The following AATF variants were observed in gnomAD, a reference collection of about 807,000 sequenced individuals.
The protein encoded by AATF is apoptosis antagonizing transcription factor, also known as protein AATF.
Under a neutral mutation model 63.7 loss-of-function variants are expected in AATF, and 48 were observed. That is an observed-to-expected ratio of 0.75 (90% CI 0.60 to 0.96). The LOEUF (loss-of-function observed/expected upper bound fraction) is 0.96, where lower values mean the gene tolerates loss of function less well. Among genes scored for constraint, AATF ranks in the 40% least tolerant of loss-of-function variants. AATF has a pLI of 0.00. For missense variants in AATF, 639 were observed against 685.7 expected, an observed-to-expected ratio of 0.93 and a Z score of 0.76; for synonymous variants, 258 against 247.7, an observed-to-expected ratio of 1.04 and a Z score of -0.39.
intron 11 of AATF, among the ~76,000 whole-genome samples, chr17:37,036,983 C>T (rs567543113): frequency 6.6e-6 from 1 of 151,710 alleles, no homozygotes; most frequent in East Asian, 1.9e-4. Flanking sequence ...CGGGGTAGCT[C>T]AGCTCCCAGG....
chr17:36,972,396 A>C (rs188083352), intron 4 of AATF, among the ~76,000 whole-genome samples: 31 of 152,326 alleles, frequency 2.0e-4, no homozygotes, highest in Non-Finnish European at 4.0e-4. Flanking sequence ...GATTTACTGC[A>C]AAATTGCTTA....
At chr17:37,045,626 G>C (rs948067284) in intron 11 of AATF, 4 of 152,246 alleles carry the variant, frequency 2.6e-5, no homozygotes, top group Non-Finnish European at 5.9e-5. Context: ...ACACACACTT[G>C]GCAGCACTCT....
rs145712828 is a variant in AATF at position 36,977,029 on chromosome 17, C to G, written c.833-9588C>G. On this transcript the variant is annotated intron_variant, in intron 4 of 11. Coordinates refer to ENST00000619387, the MANE Select transcript of AATF (RefSeq NM_012138.4). ...TTAAAATAAAGAAAATGTTGTTTGA[C>G]TACTTGCTTAACAAAAGGTCAGTTT... Among the ~76,000 whole-genome samples, 1,083 of 152,236 alleles carry G rather than the reference C, an allele frequency of 7.1e-3. 3 individuals carry two copies. Among genetic ancestry groups the G allele is most frequent in the Non-Finnish European group, 0.012 (809 of 67,996 alleles).
chr17:37,045,287 A>C (rs1242531592), intron 11 of AATF, among the ~76,000 whole-genome samples: 1 of 152,218 alleles, frequency 6.6e-6, no homozygotes, highest in Non-Finnish European at 1.5e-5. Flanking sequence ...ACCTCCACTT[A>C]CGTGGTAAAT....
At chr17:36,996,928 G>A (rs1001690539) in intron 8 of AATF, among the ~76,000 whole-genome samples, 39 of 152,164 alleles carry the variant, frequency 2.6e-4, no homozygotes, top group African/African-American at 8.9e-4. Context: ...ACCTCAGAAC[G>A]AAGCCTAAAA....
chr17:36,978,301 C>T (rs969083545), intron 4 of AATF, among the ~76,000 whole-genome samples: 5 of 152,070 alleles, frequency 3.3e-5, no homozygotes, highest in African/African-American at 1.2e-4. Context: ...AATCCTCTTT[C>T]TTATTTGATT....
At chr17:37,053,191 A>C (rs962217648) in intron 11 of AATF, among the ~76,000 whole-genome samples, 13 of 152,154 alleles carry the variant, frequency 8.5e-5, no homozygotes, top group Non-Finnish European at 1.9e-4. Flanking sequence ...ATCCATGAAC[A>C]AATGGAGGGA....
rs1467290666 is a variant in AATF at position 37,056,842 on chromosome 17, C to T, written c.*178C>T. Reference sequence around the variant, plus strand: ...TGTCCCGCCCAACCCCGCCTTTAAACGCCACAAATAAAGAGCATTGTTACC... The same window carrying T: ...TGTCCCGCCCAACCCCGCCTTTAAATGCCACAAATAAAGAGCATTGTTACC... On this transcript the variant is annotated 3_prime_UTR_variant, in exon 12 of 12. Coordinates refer to ENST00000619387, the MANE Select transcript of AATF (RefSeq NM_012138.4). The T allele has an allele frequency of 5.8e-5, 36 of 617,294 alleles. No homozygotes were observed. The highest frequency in any genetic ancestry group is 9.8e-5 in the Non-Finnish European group (35 of 355,426). 38.2% of individuals were successfully genotyped at this position (617,294 alleles called of 1,614,324 possible).
At chr17:37,002,201 CAAAAAAA>C (rs34123922) in intron 8 of AATF, among the ~76,000 whole-genome samples, 15 of 76,462 alleles carry the variant, frequency 2.0e-4, no homozygotes, top group Non-Finnish European at 4.0e-4. Flanking sequence ...GACTCCGTCT[CAAAAAAA>C]AAAAAAAAAA....
In AATF at chr17:37,032,006, C is replaced by T. The variant is rs149909382; in HGVS notation, c.1619+321C>T. 1.5e-3 allele frequency among the ~76,000 whole-genome samples: 225 copies of T among 152,232 alleles called. 1 individual carries two copies. The highest frequency in any genetic ancestry group is 5.3e-3 in the African/African-American group (222 of 41,558). On this transcript the variant is annotated intron_variant, in intron 11 of 11. Transcript: ENST00000619387. The stretch of plus-strand genomic sequence containing the variant: ...GCCGTTTGTACTTGGGGCTGTTGTG[C>T]ATATGCTTTCCTTTTGAAAGTGGCT...
chr17:36,979,588 T>A (rs965999088), intron 4 of AATF, among the ~76,000 whole-genome samples: 1 of 152,114 alleles, frequency 6.6e-6, no homozygotes, highest in Non-Finnish European at 1.5e-5. Flanking sequence ...TTATCTGGGG[T>A]AATATGAATG....
chr17:36,961,623 G>C lies in AATF; in HGVS notation c.832+7716G>C, dbSNP rs562293410. On this transcript the variant is annotated intron_variant, in intron 4 of 11. Transcript: ENST00000619387. ...AGTGGATACTGTATCATATTGCCCAGATCTATATTCCCTGGAAATGTAGTT... is the reference window on the plus strand; with the variant it reads ...AGTGGATACTGTATCATATTGCCCACATCTATATTCCCTGGAAATGTAGTT... Among the ~76,000 whole-genome samples the C allele has an allele frequency of 6.6e-5, 10 of 151,976 alleles. No individual in the cohort carries two copies. In the East Asian group the frequency reaches 1.9e-3, roughly 29 times the overall value.
chr17:36,973,378 AAC>A (rs1164819772), intron 4 of AATF, among the ~76,000 whole-genome samples: 2 of 152,178 alleles, frequency 1.3e-5, no homozygotes, highest in African/African-American at 4.8e-5. Context: ...GTGCCTCACA[AAC>A]GTTGCTCTTG....
At chr17:37,036,776 C>G (rs2142307660) in intron 11 of AATF, among the ~76,000 whole-genome samples, 1 of 152,086 alleles carries the variant, frequency 6.6e-6, no homozygotes, top group Admixed American at 6.6e-5. Flanking sequence ...ATGTGCTGGT[C>G]TAGTAGATCT....
At chr17:36,977,092 T>C (rs909011997) in intron 4 of AATF, among the ~76,000 whole-genome samples, 3 of 152,202 alleles carry the variant, frequency 2.0e-5, no homozygotes, top group African/African-American at 7.2e-5. Context: ...TTAGGAAGTA[T>C]GTAGTCTACA....
In AATF at chr17:36,949,027, G is replaced by C; in HGVS notation, c.-99G>C. Reference sequence around the variant, plus strand: ...GGTCTCTGGCGGAGTCGGGGAATCGGATCAAGGCGAGAGGATCCGGCAGGG... The same window carrying C: ...GGTCTCTGGCGGAGTCGGGGAATCGCATCAAGGCGAGAGGATCCGGCAGGG... On this transcript the variant is annotated 5_prime_UTR_variant, in exon 1 of 12. Coordinates refer to ENST00000619387, the MANE Select transcript of AATF (RefSeq NM_012138.4). The C allele has an allele frequency of 2.6e-6, 3 of 1,152,526 alleles. No homozygotes were observed. Among genetic ancestry groups the C allele is most frequent in the South Asian group, 2.9e-5 (2 of 69,120 alleles). 71.4% of individuals were successfully genotyped at this position (1,152,526 alleles called of 1,614,324 possible).
intron 4 of AATF, among the ~76,000 whole-genome samples, 158 bp downstream of exon 4, chr17:36,954,065 CTTTTTTT>C (rs878859973): frequency 8.2e-6 from 1 of 122,480 alleles, no homozygotes; most frequent in Non-Finnish European, 1.7e-5. Context: ...TTCCAAGTTG[CTTTTTTT>C]TTTTTTTTTT....
chr17:37,007,268 A>G (rs901599464), intron 8 of AATF, among the ~76,000 whole-genome samples: 1 of 151,856 alleles, frequency 6.6e-6, no homozygotes, highest in Non-Finnish European at 1.5e-5. Flanking sequence ...GCGCACTGCA[A>G]CCTCACACTG....
intron 1 of AATF, 84 bp from the exon 2 acceptor site, chr17:36,950,130 A>G (rs769674589): frequency 5.0e-5 from 73 of 1,448,340 alleles, no homozygotes; most frequent in Admixed American, 1.2e-4. Flanking sequence ...ACGTTCAACT[A>G]TGAGATAAAT....
Sources: gnomAD v4.1 joint callset for allele counts (sites outside exome capture counted in the v4.1 genomes callset) on GRCh38, gnomAD v4.1.1 for gene constraint, MANE v1.5 for transcripts, NCBI Gene and HGNC (gene_info 2026-07-23, HGNC 2026-07-21) for gene names.